The following PPP2R2C variants were observed in gnomAD, a reference collection of about 807,000 sequenced individuals.
PPP2R2C encodes protein phosphatase 2, regulatory subunit B, gamma.
In PPP2R2C, 10 loss-of-function variants were observed where a neutral mutation model predicts 45.3. That is an observed-to-expected ratio of 0.22 (90% confidence interval 0.14 to 0.37). PPP2R2C has a LOEUF of 0.37. Among genes scored for constraint, PPP2R2C ranks in the 10% least tolerant of loss-of-function variants. The pLI is 1.00. For synonymous variants in PPP2R2C, 257 were observed against 245.4 expected (o/e 1.05, Z -0.44); for missense variants, 308 against 619.7 (o/e 0.50, Z 5.34).
intron 2 of PPP2R2C, among the ~76,000 whole-genome samples, chr4:6,505,937 G>A (rs1400650259): frequency 2.0e-5 from 3 of 152,154 alleles, no homozygotes; most frequent in Non-Finnish European, 4.4e-5. Flanking sequence ...CTGCAATCCA[G>A]CCTGGGTGAC....
intron 1 of PPP2R2C, among the ~76,000 whole-genome samples, chr4:6,556,028 C>A (rs1725389836): frequency 6.6e-6 from 1 of 152,182 alleles, no homozygotes; most frequent in African/African-American, 2.4e-5. Flanking sequence ...GTCTGCCCAG[C>A]ACCCACAGGC....
chr4:6,499,327 C>A (rs1722971952), intron 2 of PPP2R2C, among the ~76,000 whole-genome samples: 1 of 152,186 alleles, frequency 6.6e-6, no homozygotes, highest in South Asian at 2.1e-4. Flanking sequence ...CATTCTGGAG[C>A]ACTGTGGAGC....
chr4:6,343,972 C>A (rs938247447), intron 6 of PPP2R2C, among the ~76,000 whole-genome samples: 1 of 152,270 alleles, frequency 6.6e-6, no homozygotes, highest in African/African-American at 2.4e-5. Flanking sequence ...GGCAGCCCCA[C>A]CCTGTCTACA....
At chr4:6,336,801 T>C (rs1245626438) in intron 6 of PPP2R2C, among the ~76,000 whole-genome samples, 1 of 1,092 alleles carries the variant, frequency 9.2e-4, no homozygotes, top group Non-Finnish European at 1.7e-3. Flanking sequence ...CCCTCCCTCC[T>C]TCCATCCCTC....
chr4:6,560,646 C>G (rs1725544935), intron 1 of PPP2R2C, among the ~76,000 whole-genome samples: 1 of 152,210 alleles, frequency 6.6e-6, no homozygotes, highest in Non-Finnish European at 1.5e-5. Flanking sequence ...AGCTCTGTGC[C>G]TATCCACAGC....
intron 2 of PPP2R2C, among the ~76,000 whole-genome samples, chr4:6,512,619 AGTG>A (rs1723696680): frequency 1.2e-4 from 2 of 17,036 alleles, no homozygotes; most frequent in Admixed American, 9.6e-4. Context: ...TTATGGTGGT[AGTG>A]GTGGTGATGG....
chr4:6,477,799 T>A (rs1244557981), intron 2 of PPP2R2C, among the ~76,000 whole-genome samples: 1 of 144,208 alleles, frequency 6.9e-6, no homozygotes, highest in Non-Finnish European at 1.5e-5. Flanking sequence ...TGCACTGGAG[T>A]CATCCCGACT....
chr4:6,396,042 A>G (rs6831981), intron 1 of PPP2R2C, among the ~76,000 whole-genome samples: 44,590 of 152,130 alleles, frequency 0.29, 8,781 homozygotes, highest in African/African-American at 0.57. Context: ...TCACCGGGGA[A>G]CTCACACAGG....
At chr4:6,524,455 C>CA (rs1229342551) in intron 2 of PPP2R2C, among the ~76,000 whole-genome samples, 1 of 152,040 alleles carries the variant, frequency 6.6e-6, no homozygotes, top group Admixed American at 6.5e-5. Context: ...TTTAATTGAG[C>CA]AAAAAACGAT....
At chr4:6,409,895 A>G (rs186560169) in intron 1 of PPP2R2C, among the ~76,000 whole-genome samples, 1 of 152,274 alleles carries the variant, frequency 6.6e-6, no homozygotes, top group East Asian at 1.9e-4. Context: ...CCTATCTTTT[A>G]TCTAACATCT....
chr4:6,397,413 C>G (rs1577145666), intron 1 of PPP2R2C, among the ~76,000 whole-genome samples: 1 of 152,258 alleles, frequency 6.6e-6, no homozygotes, highest in Non-Finnish European at 1.5e-5. Context: ...GAGGGATGCT[C>G]CCTGCGCTGC....
At chr4:6,500,102 A>C (rs912150782) in intron 2 of PPP2R2C, among the ~76,000 whole-genome samples, 2 of 152,228 alleles carry the variant, frequency 1.3e-5, no homozygotes, top group African/African-American at 4.8e-5. Context: ...CCAGGTCCTT[A>C]ATCAACATGA....
chr4:6,507,188 A>T (rs1026940475), intron 2 of PPP2R2C, among the ~76,000 whole-genome samples: 4 of 152,188 alleles, frequency 2.6e-5, no homozygotes, highest in Non-Finnish European at 2.9e-5. Context: ...GTAGACATCT[A>T]ACAGAATGTC....
chr4:6,521,765 C>T (rs1400921906), intron 2 of PPP2R2C, among the ~76,000 whole-genome samples: 1 of 152,190 alleles, frequency 6.6e-6, no homozygotes, highest in Non-Finnish European at 1.5e-5. Context: ...TGCAGAACAG[C>T]CCATTTGTGA....
chr4:6,349,919 C>T (rs1294581049), intron 5 of PPP2R2C: 1 of 985,128 alleles, frequency 1.0e-6, no homozygotes, highest in Non-Finnish European at 1.2e-6. Context: ...TATTTTCTGA[C>T]CTCTCTAAAC....
chr4:6,374,546 C>T (rs6446495), intron 4 of PPP2R2C, among the ~76,000 whole-genome samples: 34,040 of 152,104 alleles, frequency 0.22, 4,194 homozygotes, highest in African/African-American at 0.32. Flanking sequence ...ATCTGGCCTG[C>T]GCAGAAAGGC....
chr4:6,340,808 C>T (rs562786988), intron 6 of PPP2R2C, among the ~76,000 whole-genome samples: 4 of 152,246 alleles, frequency 2.6e-5, no homozygotes, highest in African/African-American at 4.8e-5. Flanking sequence ...AGAGGAAACC[C>T]GAAGCTCTTG....
In PPP2R2C at chr4:6,329,500, T is replaced by TCTGACACAGCCCGACACAGCC; in HGVS notation, c.961-168_961-148dup. 1 of 706,532 alleles carries TCTGACACAGCCCGACACAGCC rather than the reference T, an allele frequency of 1.4e-6. No homozygotes were observed. The highest frequency in any genetic ancestry group is 2.5e-6 in the Non-Finnish European group (1 of 401,448). The allele number at this position is 706,532 out of a possible 1,614,324, so 43.8% of individuals were successfully genotyped here. On this transcript the variant is annotated intron_variant, in intron 7 of 8. Coordinates refer to ENST00000382599, the MANE Select transcript of PPP2R2C (RefSeq NM_020416.4). This position sits in a 1 kb window ranked among gnomAD's most constrained non-coding sequence, Gnocchi z 5.8. ...CTCATCTCAGCGAGGGTCTGAATGCTCTGACACAGCCCGACACAGCCCTGC... is the reference window on the plus strand; with the variant it reads ...CTCATCTCAGCGAGGGTCTGAATGCTCTGACACAGCCCGACACAGCCCTGACACAGCCCGACACAGCCCTGC...
chr4:6,413,611 T>A (rs899617748), intron 1 of PPP2R2C, among the ~76,000 whole-genome samples: 28 of 152,222 alleles, frequency 1.8e-4, no homozygotes, highest in Admixed American at 2.0e-4. Flanking sequence ...CCGACCCTGC[T>A]GTGAGAGAAC....
Sources: allele counts gnomAD v4.1 joint callset (sites outside exome capture counted in the v4.1 genomes callset), GRCh38; gene constraint gnomAD v4.1.1; non-coding constraint Gnocchi (gnomAD v3.1); transcripts MANE v1.5; gene names NCBI Gene and HGNC (gene_info 2026-07-23, HGNC 2026-07-21).